Variants in RPTOR observed in about 807,000 individuals in gnomAD.
RPTOR encodes regulatory-associated protein of mTOR.
A neutral mutation model predicts 169.9 loss-of-function variants in RPTOR; 21 were observed. The ratio of observed to expected loss-of-function variants is 0.12; its 90% CI spans 0.09 to 0.18. RPTOR has a LOEUF of 0.18. Ranked by LOEUF, RPTOR falls within the 10% of genes least tolerant of loss-of-function variation. The probability of loss-of-function intolerance (pLI) is 1.00; values close to 1 mark genes in which losing one functional copy is unlikely to be tolerated. For missense variants in RPTOR, 1,133 were observed against 1,855.9 expected (o/e 0.61, Z 7.16); for synonymous variants, 732 against 753.2 (o/e 0.97, Z 0.46).
At chr17:80,741,987 T>C (rs948343474) in intron 5 of RPTOR, among the ~76,000 whole-genome samples, 4 of 152,150 alleles carry the variant, frequency 2.6e-5, no homozygotes, top group African/African-American at 9.7e-5. Flanking sequence ...AGTTAGCTGA[T>C]TGCTGTGCTG....
chr17:80,834,014 G>A (rs1483353804), intron 9 of RPTOR, among the ~76,000 whole-genome samples: 1 of 152,224 alleles, frequency 6.6e-6, no homozygotes, highest in African/African-American at 2.4e-5. Flanking sequence ...ACAAAAGGTT[G>A]CCATGCGATT....
At chr17:80,905,595 C>G (rs74411863) in intron 20 of RPTOR, among the ~76,000 whole-genome samples, 1 of 89,586 alleles carries the variant, frequency 1.1e-5, no homozygotes, top group Non-Finnish European at 2.4e-5. Context: ...GACTCTGTCT[C>G]AAAAAAAAAA....
At chr17:80,677,607 C>T (rs937212582) in intron 3 of RPTOR, among the ~76,000 whole-genome samples, 1 of 152,180 alleles carries the variant, frequency 6.6e-6, no homozygotes, top group Non-Finnish European at 1.5e-5. Flanking sequence ...AGCCTGACTG[C>T]TGACATTTCA....
chr17:80,785,663 T>C (rs1041622231), intron 6 of RPTOR, among the ~76,000 whole-genome samples: 4 of 152,032 alleles, frequency 2.6e-5, no homozygotes, highest in African/African-American at 9.7e-5. Flanking sequence ...AGGAATGTTT[T>C]GTGGCCCGAG....
At chr17:80,930,447 C>A (rs2068880439) in intron 24 of RPTOR, among the ~76,000 whole-genome samples, 2 of 948 alleles carry the variant, frequency 2.1e-3, no homozygotes, top group African/African-American at 3.1e-3. Context: ...CCAGCTCATC[C>A]TCAGCTCATC....
At chr17:80,819,391 T>G (rs2067356561) in intron 7 of RPTOR, among the ~76,000 whole-genome samples, 1 of 152,262 alleles carries the variant, frequency 6.6e-6, no homozygotes, top group Non-Finnish European at 1.5e-5. Context: ...TTACTTAATG[T>G]TATAAAGCAT....
chr17:80,622,580 G>A (rs528123058), intron 1 of RPTOR, among the ~76,000 whole-genome samples: 9 of 152,240 alleles, frequency 5.9e-5, no homozygotes, highest in Middle Eastern at 3.4e-3. Flanking sequence ...GTATATCCAC[G>A]GAGGCAGAGA....
chr17:80,952,855 CTTTTTTTTTT>C (rs139746545), intron 28 of RPTOR, among the ~76,000 whole-genome samples: 6 of 98,076 alleles, frequency 6.1e-5, no homozygotes, highest in African/African-American at 3.0e-4. Flanking sequence ...TTCTTTTCTT[CTTTTTTTTTT>C]TTTTTTTTTT....
At chr17:80,640,524 A>G (rs114840212) in intron 2 of RPTOR, among the ~76,000 whole-genome samples, 3,447 of 152,308 alleles carry the variant, frequency 0.023, 132 homozygotes, top group African/African-American at 0.078. Flanking sequence ...AGGCGGTTAT[A>G]GTGCCATGTA....
chr17:80,637,954 G>C (rs2065521143), intron 2 of RPTOR, among the ~76,000 whole-genome samples: 1 of 152,248 alleles, frequency 6.6e-6, no homozygotes, highest in African/African-American at 2.4e-5. Flanking sequence ...GGGATTCATA[G>C]ACCAGTCAAG....
chr17:80,875,363 CTCT>C (rs1041974488), intron 13 of RPTOR, among the ~76,000 whole-genome samples: 4 of 152,148 alleles, frequency 2.6e-5, no homozygotes, highest in African/African-American at 9.7e-5. Context: ...TTTGTGTTTG[CTCT>C]TCTTCTCTTC....
At chr17:80,837,889 A>G (rs774863447) in intron 9 of RPTOR, 33 bp from the exon 10 acceptor site, 10 of 1,595,550 alleles carry the variant, frequency 6.3e-6, no homozygotes, top group Non-Finnish European at 8.6e-6. Flanking sequence ...CCCGTCCATA[A>G]TGCTCAGTGG....
In RPTOR at chr17:80,743,713, T is replaced by C. The variant is rs12950350; in HGVS notation, c.655-10297T>C. On this transcript the variant is annotated intron_variant, in intron 5 of 33. Coordinates refer to ENST00000306801, the MANE Select transcript of RPTOR (RefSeq NM_020761.3). ...AGCACAGCCCTGGCTACTAGCACTG[T>C]CCTGGCTACGAGCACAGCCCTGGCT... Among the ~76,000 whole-genome samples the C allele has an allele frequency of 8.5e-3, 580 of 68,294 alleles. 17 individuals carry two copies. The highest frequency in any genetic ancestry group is 0.019 in the Middle Eastern group (2 of 106). 44.8% of individuals were successfully genotyped at this position (68,294 alleles called of 152,430 possible).
At chr17:80,865,232 C>T (rs930803232) in intron 13 of RPTOR, among the ~76,000 whole-genome samples, 1 of 152,120 alleles carries the variant, frequency 6.6e-6, no homozygotes, top group African/African-American at 2.4e-5. Flanking sequence ...ATATAGACAA[C>T]ACGGAAGGAA....
chr17:80,601,303 C>T (rs7225687), intron 1 of RPTOR, among the ~76,000 whole-genome samples: 53 of 17,244 alleles, frequency 3.1e-3, no homozygotes, highest in African/African-American at 0.016. Context: ...CCCTTCCCTT[C>T]CTGAATTCCT....
At chr17:80,891,464 G>A (rs1036028572) in intron 17 of RPTOR, among the ~76,000 whole-genome samples, 15 of 152,178 alleles carry the variant, frequency 9.9e-5, no homozygotes, top group Admixed American at 3.3e-4. Flanking sequence ...TGCGTCGTGC[G>A]CCTCTAGCAG....
chr17:80,800,044 G>T (rs948939954), intron 7 of RPTOR, among the ~76,000 whole-genome samples: 1 of 152,228 alleles, frequency 6.6e-6, no homozygotes, highest in Non-Finnish European at 1.5e-5. Context: ...GTAAGTGCAC[G>T]GCAGGTGGCC....
intron 1 of RPTOR, among the ~76,000 whole-genome samples, chr17:80,564,710 C>T (rs530396622): frequency 8.4e-4 from 127 of 151,902 alleles, no homozygotes; most frequent in African/African-American, 2.9e-3. Flanking sequence ...AAGCCTAGTA[C>T]CCAATAGCTT....
chr17:80,874,985 G>A (rs934657098), intron 13 of RPTOR, among the ~76,000 whole-genome samples: 2 of 152,210 alleles, frequency 1.3e-5, no homozygotes, highest in Admixed American at 6.5e-5. Flanking sequence ...TAGGGTATTT[G>A]CGTGAAATCG....
Sources: gnomAD v4.1 joint callset for allele counts (sites outside exome capture counted in the v4.1 genomes callset) on GRCh38, gnomAD v4.1.1 for gene constraint, MANE v1.5 for transcripts, NCBI Gene and HGNC (gene_info 2026-07-23, HGNC 2026-07-21) for gene names.